The following FAM131C variants were observed in gnomAD, a reference collection of about 807,000 sequenced individuals.
The protein encoded by FAM131C is protein FAM131C.
Under a neutral mutation model 29.8 loss-of-function variants are expected in FAM131C, and 14 were observed. The ratio of observed to expected loss-of-function variants is 0.47; its 90% confidence interval spans 0.31 to 0.73. FAM131C has a LOEUF of 0.73. FAM131C is among the 30% of genes least tolerant of loss of function. FAM131C has a pLI of 0.05. For missense variants in FAM131C, 252 were observed against 383.8 expected (o/e 0.66, Z 2.87); for synonymous variants, 86 against 157.8 (o/e 0.54, Z 3.41).
chr1:16,060,759 T>C (rs2023581958), intron 4 of FAM131C, among the ~76,000 whole-genome samples: 1 of 152,122 alleles, frequency 6.6e-6, no homozygotes, highest in African/African-American at 2.4e-5. Flanking sequence ...TGGGAGCTGA[T>C]CAGGGACAGA....
At chr1:16,062,562 G>T (rs1346375482) in intron 2 of FAM131C, 28 bp from the exon 3 acceptor site, 3 of 1,562,884 alleles carry the variant, frequency 1.9e-6, no homozygotes, top group Non-Finnish European at 2.6e-6. Flanking sequence ...AGAGGATCAG[G>T]CAGGGCCTGG....
At chr1:16,072,266 T>C (rs2023759451) in intron 1 of FAM131C, among the ~76,000 whole-genome samples, 1 of 152,064 alleles carries the variant, frequency 6.6e-6, no homozygotes, top group South Asian at 2.1e-4. Flanking sequence ...CCCCGATACC[T>C]CCCAGAGACA....
intron 1 of FAM131C, among the ~76,000 whole-genome samples, chr1:16,068,110 C>T (rs1052506455): frequency 1.3e-5 from 2 of 152,248 alleles, no homozygotes; most frequent in African/African-American, 2.4e-5. Flanking sequence ...CACCTGCAGC[C>T]GATGCGGCCC....
At chr1:16,062,285 C>T in intron 3 of FAM131C, 93 bp from the exon 4 acceptor site, 3 of 1,509,380 alleles carry the variant, frequency 2.0e-6, no homozygotes, top group Admixed American at 2.1e-5. Context: ...TCCCAGCTCA[C>T]CAGGTCCTCT....
intron 1 of FAM131C, among the ~76,000 whole-genome samples, chr1:16,065,905 T>TC (rs954516679): frequency 7.8e-6 from 1 of 128,712 alleles, no homozygotes; most frequent in Non-Finnish European, 1.7e-5. Context: ...GGTTTTCTTT[T>TC]CTTTTTTTTT....
At chr1:16,070,861 G>T (rs1455637735) in intron 1 of FAM131C, among the ~76,000 whole-genome samples, 1 of 152,200 alleles carries the variant, frequency 6.6e-6, no homozygotes, top group South Asian at 2.1e-4. Context: ...CTAGTAAATG[G>T]TGGAGCCCTG....
intron 4 of FAM131C, among the ~76,000 whole-genome samples, chr1:16,061,778 T>C (rs2023597349): frequency 6.6e-6 from 1 of 151,804 alleles, no homozygotes; most frequent in South Asian, 2.1e-4. Context: ...TGTCAGGCTC[T>C]GCTTCCAGGG....
Position 16,073,550 on chromosome 1 carries a change from G to C in FAM131C, c.-108C>G, listed in dbSNP as rs2023781385. On this transcript the variant is annotated 5_prime_UTR_variant, in exon 1 of 7. Coordinates refer to ENST00000375662, the MANE Select transcript of FAM131C (RefSeq NM_182623.3). ...CGCTGCGGAGCCAGAGGACGGGCGG[G>C]GCGGGGGGCTCGGGCGCCCTCAGCT... 3 of 538,258 alleles carry C rather than the reference G, an allele frequency of 5.6e-6. No homozygotes were observed. Among genetic ancestry groups the C allele is most frequent in the Middle Eastern group, 6.2e-4 (1 of 1,602 alleles). 33.3% of individuals were successfully genotyped at this position (538,258 alleles called of 1,614,324 possible). A position where few individuals can be genotyped will look rare whatever the true frequency, so the allele number is the denominator to read the frequency against.
In FAM131C at chr1:16,059,487, G is replaced by C. The variant is rs781636731; in HGVS notation, c.562+7C>G. On this transcript the variant is annotated splice_region_variant and intron_variant, in intron 6 of 6. Transcript: ENST00000375662. ...CACCCCCGCCCCCTGGACCCTCTGG[G>C]CTGTACCTTGGAGCTGGACGATGCC... 6.2e-7 allele frequency: 1 copy of C among 1,611,068 alleles called. No homozygotes were observed. The highest frequency in any genetic ancestry group is 1.1e-5 in the South Asian group (1 of 90,642).
chr1:16,063,460 G>A, intron 2 of FAM131C, 61 bp downstream of exon 2: 1 of 1,289,240 alleles, frequency 7.8e-7, no homozygotes, highest in South Asian at 1.2e-5. Context: ...GCTCCCTGCG[G>A]GGAGGAGACA....
At chr1:16,072,284 C>A (rs2023759933) in intron 1 of FAM131C, among the ~76,000 whole-genome samples, 1 of 152,244 alleles carries the variant, frequency 6.6e-6, no homozygotes. Context: ...ACATCCTGAG[C>A]CACTTACCTG....
intron 1 of FAM131C, among the ~76,000 whole-genome samples, chr1:16,071,388 G>T (rs1442988205): frequency 6.6e-6 from 1 of 152,224 alleles, no homozygotes; most frequent in African/African-American, 2.4e-5. Context: ...CCACTTGTAA[G>T]ATAGGGACTG....
chr1:16,059,635 G>A (rs755342053), intron 5 of FAM131C, 31 bp from the exon 6 acceptor site: 2 of 1,544,320 alleles, frequency 1.3e-6, no homozygotes, highest in African/African-American at 1.4e-5. Context: ...AGCTCAGGGG[G>A]GCATGGGTGG....
chr1:16,073,003 G>C (rs931661223), intron 1 of FAM131C, among the ~76,000 whole-genome samples: 2 of 152,090 alleles, frequency 1.3e-5, no homozygotes, highest in Non-Finnish European at 2.9e-5. Flanking sequence ...GGGCTGTGGG[G>C]GTGAGCTGGT....
At position 16,068,087 on chromosome 1, in the gene FAM131C, C is replaced by T. The variant is rs143173116; in HGVS notation, c.23-4451G>A. ...CCGGCCAGCCTCGGGCTTCTCTGCT[C>T]AGCTTCTCAGGGCACCTGCAGCCGA... On this transcript the variant is annotated intron_variant, in intron 1 of 6. Coordinates refer to ENST00000375662, the MANE Select transcript of FAM131C (RefSeq NM_182623.3). Among the ~76,000 whole-genome samples the T allele has an allele frequency of 1.9e-3, 287 of 152,346 alleles. 4 individuals carry two copies. The East Asian group carries it at 0.041, about 22-fold the overall frequency.
chr1:16,058,629 G>C lies in FAM131C; in HGVS notation c.651C>G (p.Ser217=), dbSNP rs774974031. 254 of 1,590,930 alleles carry C rather than the reference G, an allele frequency of 1.6e-4. No homozygotes were observed. The highest frequency in any genetic ancestry group is 1.0e-3 in the Middle Eastern group (5 of 5,020). ...CCTCAGGTGAGGGACAGCTGTCAGG[G>C]GAGGGGCTGGGCGAGGAGAAGGCCT... The part of the protein sequence containing the change: ...SLQAFSSPSP[S]PDSCPSPEEP... The change falls in exon 7 of 7, where the codon TCC becomes TCG. Residue 217 remains serine, a synonymous_variant. Transcript: ENST00000375662.
At chr1:16,072,892 C>T (rs1165094081) in intron 1 of FAM131C, among the ~76,000 whole-genome samples, 1 of 151,872 alleles carries the variant, frequency 6.6e-6, no homozygotes, top group Non-Finnish European at 1.5e-5. Context: ...GATTAGGGGG[C>T]AGGGGAACCT....
chr1:16,064,046 A>G (rs567525842), intron 1 of FAM131C, among the ~76,000 whole-genome samples: 1 of 151,148 alleles, frequency 6.6e-6, no homozygotes, highest in East Asian at 2.0e-4. Flanking sequence ...TTTGGGTCTG[A>G]CCCTCCTGCC....
intron 3 of FAM131C, 111 bp downstream of exon 3, chr1:16,062,388 C>CCCG: frequency 8.1e-7 from 1 of 1,227,746 alleles, no homozygotes; most frequent in African/African-American, 1.7e-5. Flanking sequence ...AGGCCCCCCC[C>CCCG]CCCCCCGCCC....
Sources: gnomAD v4.1 joint callset for allele counts (sites outside exome capture counted in the v4.1 genomes callset) on GRCh38, gnomAD v4.1.1 for gene constraint, MANE v1.5 for transcripts, NCBI Gene and HGNC (gene_info 2026-07-23, HGNC 2026-07-21) for gene names.